AGBL1: variants seen among roughly 807,000 people sequenced by gnomAD.
AGBL1 encodes the protein cytosolic carboxypeptidase 4.
Under a neutral mutation model 118.9 loss-of-function variants are expected in AGBL1, and 130 were observed. The ratio of observed to expected loss-of-function variants is 1.09; its 90% CI spans 0.95 to 1.26. The LOEUF is 1.26. AGBL1 is among the 50% of genes most tolerant of loss of function. The pLI is 0.00. For synonymous variants in AGBL1, 555 were observed against 478.9 expected, an observed-to-expected ratio of 1.16 and a Z score of -2.08; for missense variants, 1,584 against 1,298.1, an observed-to-expected ratio of 1.22 and a Z score of -3.38.
chr15:86,112,475 C>G (rs142072466), intron 1 of AGBL1, among the ~76,000 whole-genome samples: 2 of 152,152 alleles, frequency 1.3e-5, no homozygotes, highest in African/African-American at 4.8e-5. Context: ...GAACATTGTT[C>G]CATTGTATTA....
intron 22 of AGBL1, among the ~76,000 whole-genome samples, chr15:86,728,687 C>A (rs1403390113): frequency 6.6e-6 from 1 of 152,124 alleles, no homozygotes; most frequent in Non-Finnish European, 1.5e-5. Context: ...GTCTTGACTA[C>A]TGAGGGTTTT....
rs139837476 is a variant in AGBL1, at chr15:86,726,138, A to G, written c.3158+51702A>G. Among the ~76,000 whole-genome samples the G allele has an allele frequency of 6.1e-3, 928 of 152,364 alleles. 14 individuals carry two copies. Among genetic ancestry groups the G allele is most frequent in the African/African-American group, 0.021 (886 of 41,590 alleles). On this transcript the variant is annotated intron_variant, in intron 22 of 22. Coordinates refer to ENST00000614907, the MANE Select transcript of AGBL1 (RefSeq NM_001386094.1). ...TAAATTTTAAGACTTTTGAATATACATTAACTTATTAGATGCCATAAACAA... is the reference window on the plus strand; with the variant it reads ...TAAATTTTAAGACTTTTGAATATACGTTAACTTATTAGATGCCATAAACAA...
chr15:86,815,206 G>A (rs953976134), intron 22 of AGBL1, among the ~76,000 whole-genome samples: 1 of 152,160 alleles, frequency 6.6e-6, no homozygotes, highest in Non-Finnish European at 1.5e-5. Context: ...GTGCTCAGCA[G>A]AGGTTCCAAA....
rs987875600 is a variant in AGBL1 at position 86,387,247 on chromosome 15, T to A, written c.2375-10119T>A. On this transcript the variant is annotated intron_variant, in intron 17 of 22. Coordinates refer to ENST00000614907, the MANE Select transcript of AGBL1 (RefSeq NM_001386094.1). ...ATTTGCTAGGTAGAAGAAGTGAGGA[T>A]GAACAGGAAAGGACACAGTGTGTTT... Among the ~76,000 whole-genome samples, 4 of 152,070 alleles carry A rather than the reference T, an allele frequency of 2.6e-5. No homozygotes were observed. The East Asian group carries it at 5.8e-4, about 22-fold the overall frequency.
At chr15:86,167,139 G>C (rs2077352727) in intron 5 of AGBL1, among the ~76,000 whole-genome samples, 1 of 152,144 alleles carries the variant, frequency 6.6e-6, no homozygotes, top group Non-Finnish European at 1.5e-5. Context: ...CAAATATGGA[G>C]GAAAGGGAGT....
chr15:87,025,414 GA>G (rs1316861631), intron 24 of AGBL1, among the ~76,000 whole-genome samples: 7 of 150,836 alleles, frequency 4.6e-5, no homozygotes, highest in African/African-American at 7.3e-5. Context: ...CAAAAAACAT[GA>G]AAAAAACTTA....
At chr15:86,603,745 G>A (rs886839047) in intron 21 of AGBL1, among the ~76,000 whole-genome samples, 2 of 152,146 alleles carry the variant, frequency 1.3e-5, no homozygotes, top group African/African-American at 2.4e-5. Flanking sequence ...TCTACTGAAA[G>A]TGCCAAAAAA....
chr15:86,747,881 A>T (rs908832686), intron 22 of AGBL1, among the ~76,000 whole-genome samples: 18 of 152,070 alleles, frequency 1.2e-4, no homozygotes, highest in African/African-American at 1.7e-4. Flanking sequence ...TCTATCGTTG[A>T]TGGACATTTG....
chr15:86,337,558 G>A (rs1169086513), intron 17 of AGBL1, among the ~76,000 whole-genome samples: 3 of 152,190 alleles, frequency 2.0e-5, no homozygotes, highest in Admixed American at 2.0e-4. Context: ...CCTTTGCAGG[G>A]ACATGGATGA....
intron 5 of AGBL1, among the ~76,000 whole-genome samples, chr15:86,194,877 A>G (rs754986013): frequency 6.6e-6 from 1 of 152,212 alleles, no homozygotes; most frequent in Non-Finnish European, 1.5e-5. Flanking sequence ...AAGGAAAGAT[A>G]TATATTTCTA....
intron 4 of AGBL1, 143 bp downstream of exon 4, chr15:86,154,704 A>C: frequency 1.8e-6 from 2 of 1,102,766 alleles, no homozygotes; most frequent in Non-Finnish European, 2.5e-6. Context: ...AAAGAGACTG[A>C]CAATCCAGAG....
At position 86,912,573 on chromosome 15, in the gene AGBL1, C is replaced by A. The variant is rs1403970878; in HGVS notation, c.*5279C>A. 6.6e-6 allele frequency: 1 copy of A among 152,130 alleles called. No homozygotes were observed. Among genetic ancestry groups the A allele is most frequent in the Admixed American group, 6.5e-5 (1 of 15,274 alleles). 9.4% of individuals were successfully genotyped at this position (152,130 alleles called of 1,614,324 possible). A position where few individuals can be genotyped will look rare whatever the true frequency, so the allele number is the denominator to read the frequency against. On this transcript the variant is annotated 3_prime_UTR_variant, in exon 23 of 23. Coordinates refer to ENST00000614907, the MANE Select transcript of AGBL1 (RefSeq NM_001386094.1). Reference sequence around the variant, plus strand: ...TGAAATTAACCTGCTCCCTGAGTTACAAGCTCACCTTGAGGGCTGCCAACA... The same window carrying A: ...TGAAATTAACCTGCTCCCTGAGTTAAAAGCTCACCTTGAGGGCTGCCAACA...
intron 21 of AGBL1, among the ~76,000 whole-genome samples, chr15:86,673,683 A>G (rs1430388685): frequency 2.0e-5 from 3 of 152,162 alleles, no homozygotes. Context: ...GTCAATTGTT[A>G]TTATTATCTG....
chr15:86,089,216 C>A (rs1231862393), intron 1 of AGBL1, among the ~76,000 whole-genome samples: 1 of 152,158 alleles, frequency 6.6e-6, no homozygotes, highest in African/African-American at 2.4e-5. Flanking sequence ...TTGACTTTCT[C>A]TTGGTTTGGA....
intron 19 of AGBL1, among the ~76,000 whole-genome samples, chr15:86,537,549 G>A (rs950517992): frequency 3.9e-5 from 6 of 152,224 alleles, no homozygotes; most frequent in Non-Finnish European, 8.8e-5. Flanking sequence ...ACCACTCATG[G>A]AGGGATGGCT....
chr15:86,992,047 CA>C (rs1280838423), intron 24 of AGBL1, among the ~76,000 whole-genome samples: 1 of 152,112 alleles, frequency 6.6e-6, no homozygotes, highest in East Asian at 1.9e-4. Flanking sequence ...ACAGGCTGTA[CA>C]GGAAGCATGG....
chr15:86,987,771 A>T (rs1301533765), intron 23 of AGBL1, among the ~76,000 whole-genome samples: 3 of 152,118 alleles, frequency 2.0e-5, no homozygotes. Flanking sequence ...TTAGACCACC[A>T]TATATTTTAC....
At chr15:86,113,999 C>A (rs529474677) in intron 1 of AGBL1, among the ~76,000 whole-genome samples, 20 of 152,298 alleles carry the variant, frequency 1.3e-4, no homozygotes, top group African/African-American at 4.3e-4. Flanking sequence ...TAAGAGCATT[C>A]TACACATAAG....
chr15:86,887,478 ATC>A (rs2141547876), intron 22 of AGBL1, among the ~76,000 whole-genome samples: 1 of 152,288 alleles, frequency 6.6e-6, no homozygotes, highest in South Asian at 2.1e-4. Flanking sequence ...TTGTTTAAGC[ATC>A]TCTCTCAAGC....
Sources: allele counts gnomAD v4.1 joint callset (sites outside exome capture counted in the v4.1 genomes callset), GRCh38; gene constraint gnomAD v4.1.1; transcripts MANE v1.5; gene names NCBI Gene and HGNC (gene_info 2026-07-23, HGNC 2026-07-21).